The following TRIO variants were observed in gnomAD, a reference collection of about 807,000 sequenced individuals.
TRIO encodes the protein trio Rho guanine nucleotide exchange factor.
Under a neutral mutation model 351.9 loss-of-function variants are expected in TRIO, and 58 were observed. That is an observed-to-expected ratio of 0.16 (90% CI 0.13 to 0.21). TRIO has a LOEUF of 0.21. TRIO is among the 10% of genes least tolerant of loss of function. The probability of loss-of-function intolerance (pLI) is 1.00; values close to 1 mark genes in which losing one functional copy is unlikely to be tolerated. For synonymous variants in TRIO, 1,758 were observed against 1,595.7 expected, an observed-to-expected ratio of 1.10 and a Z score of -2.42; for missense variants, 3,201 against 4,027.8, an observed-to-expected ratio of 0.79 and a Z score of 5.56.
intron 11 of TRIO, among the ~76,000 whole-genome samples, chr5:14,345,027 A>G (rs1742288862): frequency 6.6e-6 from 1 of 152,178 alleles, no homozygotes; most frequent in African/African-American, 2.4e-5. Flanking sequence ...AAGCATTTGT[A>G]CTGGCCAGTG....
At chr5:14,296,521 CA>C (rs1215777837) in intron 6 of TRIO, among the ~76,000 whole-genome samples, 1 of 152,202 alleles carries the variant, frequency 6.6e-6, no homozygotes, top group Non-Finnish European at 1.5e-5. Flanking sequence ...GTTTTTACTG[CA>C]ATTCATATTC....
chr5:14,416,723 C>T (rs182997207), intron 33 of TRIO, among the ~76,000 whole-genome samples: 24 of 152,190 alleles, frequency 1.6e-4, no homozygotes, highest in Non-Finnish European at 2.5e-4. Context: ...CCTCCTTCTT[C>T]GGCAGCCCCT....
chr5:14,272,423 T>C (rs1038591633), intron 2 of TRIO, among the ~76,000 whole-genome samples: 1 of 152,282 alleles, frequency 6.6e-6, no homozygotes, highest in Non-Finnish European at 1.5e-5. Flanking sequence ...GTTTTATTTG[T>C]ATTCATGCTT....
chr5:14,173,740 C>T (rs1789244617), intron 1 of TRIO, among the ~76,000 whole-genome samples: 1 of 152,196 alleles, frequency 6.6e-6, no homozygotes. Context: ...CCCACTTAGG[C>T]TGATAATGTA....
chr5:14,231,866 T>G, intron 1 of TRIO, among the ~76,000 whole-genome samples: 1 of 151,326 alleles, frequency 6.6e-6, no homozygotes, highest in South Asian at 2.1e-4. Context: ...TTTTTGATTG[T>G]TTTCTCATAC....
intron 34 of TRIO, among the ~76,000 whole-genome samples, chr5:14,429,014 T>G (rs1043947670): frequency 5.3e-5 from 8 of 152,230 alleles, no homozygotes; most frequent in African/African-American, 1.4e-4. Flanking sequence ...TGCTACTTAG[T>G]ACACAAACGG....
chr5:14,248,592 A>AGTTTCCTGAGGGGAGCCC (rs1171883070), intron 1 of TRIO, among the ~76,000 whole-genome samples: 1 of 152,194 alleles, frequency 6.6e-6, no homozygotes, highest in East Asian at 1.9e-4. Context: ...CCTGGGAGTC[A>AGTTTCCTGAGGGGAGCCC]GTTTCCTGAG....
intron 1 of TRIO, among the ~76,000 whole-genome samples, chr5:14,154,366 A>G (rs1044676989): frequency 1.3e-5 from 2 of 152,168 alleles, no homozygotes; most frequent in Non-Finnish European, 2.9e-5. Flanking sequence ...GGAGGGCACC[A>G]CGGAGCTGCC....
At chr5:14,360,701 C>G (rs1369532922) in intron 13 of TRIO, among the ~76,000 whole-genome samples, 1 of 152,218 alleles carries the variant, frequency 6.6e-6, no homozygotes, top group Non-Finnish European at 1.5e-5. Context: ...TAGGCCTGCC[C>G]TGGGGAGTGG....
At chr5:14,438,246 C>G (rs186452743) in intron 34 of TRIO, among the ~76,000 whole-genome samples, 219 of 152,314 alleles carry the variant, frequency 1.4e-3, no homozygotes, top group African/African-American at 5.1e-3. Flanking sequence ...TGCACTAAAC[C>G]TGTCTCACTG....
At chr5:14,410,631 TATC>T (rs1316629209) in intron 33 of TRIO, among the ~76,000 whole-genome samples, 3 of 152,230 alleles carry the variant, frequency 2.0e-5, no homozygotes, top group African/African-American at 7.2e-5. Context: ...AGTTAGTTGT[TATC>T]ATGGAATTTG....
chr5:14,187,784 TTATTAAAG>T (rs973988796), intron 1 of TRIO, among the ~76,000 whole-genome samples: 1 of 150,994 alleles, frequency 6.6e-6, no homozygotes, highest in African/African-American at 2.5e-5. Flanking sequence ...AGTTTCCTCA[TTATTAAAG>T]TAATGTATTT....
At chr5:14,299,035 G>C (rs1237502982) in intron 7 of TRIO, among the ~76,000 whole-genome samples, 2 of 152,144 alleles carry the variant, frequency 1.3e-5, no homozygotes, top group African/African-American at 2.4e-5. Flanking sequence ...ATAACACACA[G>C]AGAACATCTT....
intron 1 of TRIO, among the ~76,000 whole-genome samples, chr5:14,199,748 G>T (rs1032946099): frequency 6.6e-5 from 10 of 152,116 alleles, no homozygotes; most frequent in East Asian, 5.8e-4. Context: ...AGCTTTGCTG[G>T]CCTTGAAGCA....
At chr5:14,215,701 G>A (rs1373560646) in intron 1 of TRIO, among the ~76,000 whole-genome samples, 2 of 152,196 alleles carry the variant, frequency 1.3e-5, no homozygotes, top group East Asian at 1.9e-4. Context: ...CATGAAGTGT[G>A]AGATCTTGCT....
intron 10 of TRIO, among the ~76,000 whole-genome samples, chr5:14,334,793 C>T (rs1376837928): frequency 6.6e-6 from 1 of 152,230 alleles, no homozygotes; most frequent in Admixed American, 6.5e-5. Context: ...AAGGAAGCCA[C>T]CTGCAGGTGC....
chr5:14,330,513 C>T (rs1740812593), intron 9 of TRIO, among the ~76,000 whole-genome samples: 1 of 152,184 alleles, frequency 6.6e-6, no homozygotes. Context: ...ATCATTATTG[C>T]ATGCAATGTT....
chr5:14,393,539 G>A (rs1747301066), intron 27 of TRIO, among the ~76,000 whole-genome samples: 1 of 152,116 alleles, frequency 6.6e-6, no homozygotes, highest in Non-Finnish European at 1.5e-5. Flanking sequence ...CAGGCTATCT[G>A]ATAACCTTTG....
chr5:14,208,988 A>C (rs1452076193), intron 1 of TRIO, among the ~76,000 whole-genome samples: 1 of 152,212 alleles, frequency 6.6e-6, no homozygotes, highest in African/African-American at 2.4e-5. Context: ...TGCAATTATA[A>C]ATTTATTACA....
Sources: allele counts gnomAD v4.1 joint callset (sites outside exome capture counted in the v4.1 genomes callset), GRCh38; gene constraint gnomAD v4.1.1; transcripts MANE v1.5; gene names NCBI Gene and HGNC (gene_info 2026-07-23, HGNC 2026-07-21).